The following JAZF1 variants were observed in gnomAD, a reference collection of about 807,000 sequenced individuals.
The protein encoded by JAZF1 is JAZF zinc finger 1, also known as juxtaposed with another zinc finger protein 1.
Under a neutral mutation model 26.4 loss-of-function variants are expected in JAZF1, and 8 were observed. The observed-to-expected ratio is 0.30, with a 90% CI of 0.18 to 0.55. JAZF1 has a LOEUF of 0.55. JAZF1 is among the 20% of genes least tolerant of loss of function. The probability of loss-of-function intolerance (pLI) is 0.94; values close to 1 mark genes in which losing one functional copy is unlikely to be tolerated. For missense variants in JAZF1, 199 were observed against 322.0 expected, an observed-to-expected ratio of 0.62 and a Z score of 2.92; for synonymous variants, 126 against 122.3, an observed-to-expected ratio of 1.03 and a Z score of -0.20.
chr7:27,914,995 C>T (rs1413654696), intron 2 of JAZF1, among the ~76,000 whole-genome samples: 1 of 152,154 alleles, frequency 6.6e-6, no homozygotes, highest in Non-Finnish European at 1.5e-5. Flanking sequence ...TTAGACCCAG[C>T]CTCAGCAACC....
intron 1 of JAZF1, among the ~76,000 whole-genome samples, chr7:28,040,188 T>C (rs1452610216): frequency 1.3e-5 from 2 of 152,222 alleles, no homozygotes; most frequent in African/African-American, 4.8e-5. Flanking sequence ...TTTTACATAA[T>C]GTTTGAGCCC....
intron 1 of JAZF1, among the ~76,000 whole-genome samples, chr7:28,172,037 A>T (rs886873716): frequency 2.6e-5 from 4 of 152,240 alleles, no homozygotes; most frequent in Admixed American, 2.6e-4. Context: ...CAATACCAAA[A>T]CATCCTAAAA....
intron 2 of JAZF1, among the ~76,000 whole-genome samples, chr7:27,897,581 G>C (rs746937152): frequency 1.3e-5 from 2 of 152,224 alleles, no homozygotes; most frequent in Non-Finnish European, 2.9e-5. Context: ...CTGGTGAACT[G>C]CACAGCCTGG....
chr7:27,954,733 T>C (rs912378003), intron 2 of JAZF1, among the ~76,000 whole-genome samples: 15 of 151,886 alleles, frequency 9.9e-5, no homozygotes, highest in African/African-American at 3.4e-4. Flanking sequence ...AAGCATCACA[T>C]TTGATTTTCC....
In JAZF1 at chr7:27,841,532, C is replaced by G. The variant is rs1160645166; in HGVS notation, c.386-665G>C. 2.0e-5 allele frequency: 3 copies of G among 152,324 alleles called. No individual in the cohort carries two copies. The East Asian group carries it at 5.8e-4, about 29-fold the overall frequency. 9.4% of individuals were successfully genotyped at this position (152,324 alleles called of 1,614,324 possible). The stretch of plus-strand genomic sequence containing the variant: ...TAGCTCCTGGAAGACGAAGCGATCC[C>G]CTACACACGCAGTACTAGGCACCGC... On this transcript the variant is annotated intron_variant, in intron 3 of 4. Transcript: ENST00000283928.
chr7:28,028,875 A>G (rs1259704038), intron 1 of JAZF1, among the ~76,000 whole-genome samples: 1 of 152,232 alleles, frequency 6.6e-6, no homozygotes, highest in South Asian at 2.1e-4. Context: ...GATATTATAC[A>G]GTAAAAACTT....
chr7:27,874,920 G>A (rs1162428200), intron 3 of JAZF1, among the ~76,000 whole-genome samples: 2 of 151,996 alleles, frequency 1.3e-5, no homozygotes, highest in African/African-American at 4.8e-5. Context: ...GTGCTGGAGC[G>A]CCGGGAGCTG....
chr7:27,886,133 G>T (rs1469907023), intron 3 of JAZF1, among the ~76,000 whole-genome samples: 1 of 152,204 alleles, frequency 6.6e-6, no homozygotes, highest in East Asian at 1.9e-4. Flanking sequence ...AGTAGAATCA[G>T]TGTAAACACA....
intron 2 of JAZF1, among the ~76,000 whole-genome samples, chr7:27,960,597 T>C (rs1409625118): frequency 6.6e-6 from 1 of 152,160 alleles, no homozygotes; most frequent in Non-Finnish European, 1.5e-5. Context: ...CTGACATATT[T>C]TGGACAGCAG....
At chr7:27,966,423 G>T (rs1289749582) in intron 2 of JAZF1, among the ~76,000 whole-genome samples, 1 of 152,212 alleles carries the variant, frequency 6.6e-6, no homozygotes, top group African/African-American at 2.4e-5. Context: ...GTTTGGCAAC[G>T]GATGGAGGTA....
At position 28,083,797 on chromosome 7, in the gene JAZF1, G is replaced by A. The variant is rs148191344; in HGVS notation, c.116-91816C>T. Among the ~76,000 whole-genome samples the A allele has an allele frequency of 8.6e-5, 13 of 151,850 alleles. No individual in the cohort carries two copies. In the East Asian group the frequency reaches 2.6e-3, roughly 30 times the overall value. On this transcript the variant is annotated intron_variant, in intron 1 of 4. Coordinates refer to ENST00000283928, the MANE Select transcript of JAZF1 (RefSeq NM_175061.4). ...AGTAAAAACATTGGGCCCTGACATT[G>A]GGTAAGAAATGTTGCTTACAACATT... is the stretch of plus-strand genomic sequence containing the variant.
intron 2 of JAZF1, among the ~76,000 whole-genome samples, chr7:27,931,734 C>T (rs555657128): frequency 1.3e-5 from 2 of 152,024 alleles, no homozygotes; most frequent in Admixed American, 1.3e-4. Flanking sequence ...AGGAGAATTG[C>T]TTGAACCTGG....
chr7:28,122,131 A>G (rs1782615077), intron 1 of JAZF1, among the ~76,000 whole-genome samples: 1 of 152,240 alleles, frequency 6.6e-6, no homozygotes. Context: ...CTAAGCTCCA[A>G]TTTTAAATCT....
intron 2 of JAZF1, among the ~76,000 whole-genome samples, chr7:27,989,470 G>C (rs1224799816): frequency 6.6e-6 from 1 of 152,148 alleles, no homozygotes; most frequent in Non-Finnish European, 1.5e-5. Context: ...CACAGCAAAA[G>C]AAACTACCGT....
intron 2 of JAZF1, among the ~76,000 whole-genome samples, chr7:27,962,771 A>C (rs950720494): frequency 6.6e-6 from 1 of 152,224 alleles, no homozygotes; most frequent in Non-Finnish European, 1.5e-5. Flanking sequence ...TCTAATCAGC[A>C]AGAAAAGCAG....
chr7:28,090,851 G>T (rs1185048328), intron 1 of JAZF1, among the ~76,000 whole-genome samples: 1 of 122,056 alleles, frequency 8.2e-6, no homozygotes, highest in Non-Finnish European at 1.6e-5. Flanking sequence ...ACGGAGTCTC[G>T]CTCTGTCACC....
chr7:28,084,857 T>C (rs1784189358), intron 1 of JAZF1, among the ~76,000 whole-genome samples: 1 of 152,196 alleles, frequency 6.6e-6, no homozygotes, highest in Non-Finnish European at 1.5e-5. Flanking sequence ...AATATGGCAG[T>C]ATTGAGAGGT....
intron 1 of JAZF1, among the ~76,000 whole-genome samples, chr7:28,138,837 C>A (rs1369486615): frequency 6.6e-6 from 1 of 152,136 alleles, no homozygotes; most frequent in Non-Finnish European, 1.5e-5. Context: ...ATGGATTTGC[C>A]CTCAGTTTAC....
At chr7:27,868,696 AAG>A (rs1461729501) in intron 3 of JAZF1, among the ~76,000 whole-genome samples, 1 of 152,170 alleles carries the variant, frequency 6.6e-6, no homozygotes, top group African/African-American at 2.4e-5. Flanking sequence ...GCCTCCTGGA[AAG>A]AGAGAGCATG....
Sources: gnomAD v4.1 joint callset for allele counts (sites outside exome capture counted in the v4.1 genomes callset) on GRCh38, gnomAD v4.1.1 for gene constraint, MANE v1.5 for transcripts, NCBI Gene and HGNC (gene_info 2026-07-23, HGNC 2026-07-21) for gene names.